CCSER1: variants seen among roughly 807,000 people sequenced by gnomAD.
The protein encoded by CCSER1 is serine-rich coiled-coil domain-containing protein 1.
A neutral mutation model predicts 82.0 loss-of-function variants in CCSER1; 41 were observed. That is an observed-to-expected ratio of 0.50 (90% confidence interval 0.39 to 0.65). The LOEUF is 0.65. Ranked by LOEUF, CCSER1 falls within the 30% of genes least tolerant of loss-of-function variation. The pLI is 0.00. For synonymous variants in CCSER1, 414 were observed against 383.9 expected, an observed-to-expected ratio of 1.08 and a Z score of -0.92; for missense variants, 1,119 against 1,064.2, an observed-to-expected ratio of 1.05 and a Z score of -0.72.
rs1025798095 is a variant in CCSER1 at position 90,187,182 on chromosome 4, AT to A, written c.-42+59360del. ...TCACTTAGGAGAAATACCATGTTAG[AT>A]TTTTTTTTCACATTTTAACATCTCT... is the stretch of plus-strand genomic sequence containing the variant. On this transcript the variant is annotated intron_variant, in intron 1 of 10. Coordinates refer to ENST00000509176, the MANE Select transcript of CCSER1 (RefSeq NM_001145065.2). 3.1e-4 allele frequency among the ~76,000 whole-genome samples: 47 copies of A among 151,134 alleles called. No homozygotes were observed. In the South Asian group the frequency reaches 9.4e-3, roughly 30 times the overall value.
chr4:90,671,819 T>G (rs994377483), intron 6 of CCSER1, among the ~76,000 whole-genome samples: 6 of 152,050 alleles, frequency 3.9e-5, no homozygotes, highest in Non-Finnish European at 8.8e-5. Context: ...TAATAACTCT[T>G]GAAAATCAAA....
chr4:90,973,305 C>T (rs1735293143), intron 9 of CCSER1, among the ~76,000 whole-genome samples: 1 of 151,600 alleles, frequency 6.6e-6, no homozygotes, highest in Non-Finnish European at 1.5e-5. Flanking sequence ...ATATGATACT[C>T]AAGTAATTCA....
chr4:91,384,897 A>G (rs865809814), intron 10 of CCSER1, among the ~76,000 whole-genome samples: 13 of 152,224 alleles, frequency 8.5e-5, no homozygotes, highest in Middle Eastern at 6.8e-3. Flanking sequence ...ACACTGAGAT[A>G]CCTATGATAT....
At chr4:90,199,661 G>A (rs1387409302) in intron 1 of CCSER1, among the ~76,000 whole-genome samples, 1 of 152,120 alleles carries the variant, frequency 6.6e-6, no homozygotes, top group African/African-American at 2.4e-5. Context: ...TAGCTAATCA[G>A]TGCTTAATTA....
chr4:90,561,070 A>C (rs1560720546), intron 5 of CCSER1, among the ~76,000 whole-genome samples: 1 of 152,214 alleles, frequency 6.6e-6, no homozygotes, highest in Non-Finnish European at 1.5e-5. Flanking sequence ...CTGCTATAAA[A>C]ATAGCAGAAG....
chr4:90,534,468 TG>T (rs1775044088), intron 5 of CCSER1, among the ~76,000 whole-genome samples: 2 of 151,536 alleles, frequency 1.3e-5, no homozygotes, highest in African/African-American at 4.8e-5. Context: ...TGTGTGTGTG[TG>T]TGTGTGTGTG....
intron 10 of CCSER1, among the ~76,000 whole-genome samples, chr4:91,092,748 A>C (rs1724094191): frequency 6.6e-6 from 1 of 152,136 alleles, no homozygotes; most frequent in Non-Finnish European, 1.5e-5. Flanking sequence ...TGCCTGAAGA[A>C]AGTCTTTTTC....
intron 10 of CCSER1, among the ~76,000 whole-genome samples, chr4:91,134,934 C>A (rs550843539): frequency 6.6e-6 from 1 of 152,014 alleles, no homozygotes; most frequent in African/African-American, 2.4e-5. Flanking sequence ...GTGGCGCATG[C>A]TTGTAGTCCC....
chr4:90,387,414 C>A (rs1262491782), intron 3 of CCSER1, among the ~76,000 whole-genome samples: 1 of 152,062 alleles, frequency 6.6e-6, no homozygotes, highest in Non-Finnish European at 1.5e-5. Flanking sequence ...TTTGACCTTG[C>A]CAAAGAAAAG....
chr4:90,213,096 T>C (rs1480947630), intron 1 of CCSER1, among the ~76,000 whole-genome samples: 6 of 152,178 alleles, frequency 3.9e-5, no homozygotes, highest in Admixed American at 3.9e-4. Flanking sequence ...ATCTGACTTC[T>C]GATTTGACAG....
chr4:90,356,466 A>G (rs534158794), intron 3 of CCSER1, among the ~76,000 whole-genome samples: 1 of 151,818 alleles, frequency 6.6e-6, no homozygotes, highest in Admixed American at 6.5e-5. Context: ...AGTGTCTTGA[A>G]TAACAACTAG....
chr4:90,269,674 A>G (rs1311065023), intron 1 of CCSER1, among the ~76,000 whole-genome samples: 1 of 151,706 alleles, frequency 6.6e-6, no homozygotes, highest in African/African-American at 2.4e-5. Flanking sequence ...AAAAGAAATA[A>G]TGAATATTAG....
chr4:90,980,491 T>C (rs1455191516), intron 9 of CCSER1, among the ~76,000 whole-genome samples: 2 of 151,850 alleles, frequency 1.3e-5, no homozygotes, highest in Admixed American at 1.3e-4. Context: ...ATTTGACTTA[T>C]GATTTTTAAT....
intron 5 of CCSER1, among the ~76,000 whole-genome samples, chr4:90,588,749 G>A (rs1219235432): frequency 6.6e-6 from 1 of 152,112 alleles, no homozygotes; most frequent in South Asian, 2.1e-4. Flanking sequence ...AGTCTCAAGA[G>A]CTGATGGTTT....
At chr4:91,116,991 A>C (rs1726676256) in intron 10 of CCSER1, among the ~76,000 whole-genome samples, 1 of 152,154 alleles carries the variant, frequency 6.6e-6, no homozygotes, top group Non-Finnish European at 1.5e-5. Context: ...TTTGCATATA[A>C]AGCCTGCTTT....
intron 10 of CCSER1, among the ~76,000 whole-genome samples, chr4:91,148,541 TTGTTACATA>T (rs1729779211): frequency 6.6e-6 from 1 of 152,154 alleles, no homozygotes. Context: ...ACGTGCAGGT[TTGTTACATA>T]TGTATACATA....
chr4:90,711,528 T>G (rs1360193742), intron 6 of CCSER1, among the ~76,000 whole-genome samples: 1 of 151,992 alleles, frequency 6.6e-6, no homozygotes, highest in East Asian at 1.9e-4. Flanking sequence ...TTATTAAGAG[T>G]TTTTAAACAT....
Position 91,233,251 on chromosome 4 carries a change from C to T in CCSER1, c.2217+147257C>T, listed in dbSNP as rs550609185. Among the ~76,000 whole-genome samples, 81 of 151,980 alleles carry T rather than the reference C, an allele frequency of 5.3e-4. 1 individual carries two copies. The highest frequency in any genetic ancestry group is 1.6e-3 in the African/African-American group (65 of 41,518). On this transcript the variant is annotated intron_variant, in intron 10 of 10. Transcript: ENST00000509176. ...ATTTTGTACTCACTTATTGATTAAA[C>T]TCTCTCAGTAGTCTTTGTTAAAGAA...
At chr4:91,178,745 C>A (rs1733676217) in intron 10 of CCSER1, among the ~76,000 whole-genome samples, 1 of 152,042 alleles carries the variant, frequency 6.6e-6, no homozygotes, top group Non-Finnish European at 1.5e-5. Flanking sequence ...ACTGATGGGT[C>A]TTGACTCTTT....
Sources: gnomAD v4.1 joint callset for allele counts (sites outside exome capture counted in the v4.1 genomes callset) on GRCh38, gnomAD v4.1.1 for gene constraint, MANE v1.5 for transcripts, NCBI Gene and HGNC (gene_info 2026-07-23, HGNC 2026-07-21) for gene names.